The following OXCT1 variants were observed in gnomAD, a reference collection of about 807,000 sequenced individuals.
The protein encoded by OXCT1 is 3-oxoacid CoA-transferase 1, also known as succinyl-CoA:3-ketoacid coenzyme A transferase 1, mitochondrial.
A neutral mutation model predicts 69.6 loss-of-function variants in OXCT1; 27 were observed. That is an observed-to-expected ratio of 0.39 (90% CI 0.29 to 0.54). OXCT1 has a LOEUF of 0.54. Ranked by LOEUF, OXCT1 falls within the 20% of genes least tolerant of loss-of-function variation. OXCT1 has a pLI of 0.72. For missense variants in OXCT1, 437 were observed against 650.2 expected (o/e 0.67, Z 3.57); for synonymous variants, 202 against 217.8 (o/e 0.93, Z 0.64).
intron 7 of OXCT1, among the ~76,000 whole-genome samples, chr5:41,822,800 A>T (rs539347968): frequency 1.3e-5 from 2 of 152,126 alleles, no homozygotes; most frequent in African/African-American, 4.8e-5. Flanking sequence ...TGTTAGAATA[A>T]TTTTTTACAT....
chr5:41,862,179 C>G (rs779722560), intron 2 of OXCT1, among the ~76,000 whole-genome samples: 1 of 152,160 alleles, frequency 6.6e-6, no homozygotes, highest in Non-Finnish European at 1.5e-5. Context: ...CCACTGCACT[C>G]CAGCCTGGGT....
At chr5:41,860,852 T>G (rs148831478) in intron 3 of OXCT1, among the ~76,000 whole-genome samples, 1,535 of 152,202 alleles carry the variant, frequency 0.01, 10 homozygotes, top group Non-Finnish European at 0.016. Flanking sequence ...TTTTTGTGAT[T>G]AATGGTATCC....
chr5:41,861,212 C>T, intron 3 of OXCT1, 102 bp downstream of exon 3: 1 of 804,628 alleles, frequency 1.2e-6, no homozygotes, highest in Non-Finnish European at 2.2e-6. Context: ...GGACATATTG[C>T]TCATGTGAAT....
At chr5:41,801,773 C>T (rs919116000) in intron 10 of OXCT1, among the ~76,000 whole-genome samples, 7 of 152,026 alleles carry the variant, frequency 4.6e-5, no homozygotes, top group Non-Finnish European at 1.5e-5. Flanking sequence ...TGCACAGCTA[C>T]TCTCAGTAAA....
chr5:41,824,776 T>C (rs749551930), intron 7 of OXCT1, among the ~76,000 whole-genome samples: 15 of 152,234 alleles, frequency 9.9e-5, no homozygotes, highest in Non-Finnish European at 1.9e-4. Flanking sequence ...ATGAGTTTTG[T>C]AAATTCCTCA....
chr5:41,827,027 C>G (rs1382479282), intron 7 of OXCT1, among the ~76,000 whole-genome samples: 3 of 152,136 alleles, frequency 2.0e-5, no homozygotes. Flanking sequence ...CATACCGTAT[C>G]TCTTAATGCT....
intron 7 of OXCT1, among the ~76,000 whole-genome samples, chr5:41,810,674 A>G (rs1391656291): frequency 6.6e-6 from 1 of 152,102 alleles, no homozygotes. Context: ...CTTATTTTAA[A>G]GCTTAGAGAA....
intron 10 of OXCT1, among the ~76,000 whole-genome samples, chr5:41,801,891 AT>A (rs1237785352): frequency 3.3e-5 from 5 of 152,120 alleles, no homozygotes; most frequent in African/African-American, 7.2e-5. Context: ...CTATAAAAAA[AT>A]AAAAGGCATA....
chr5:41,828,682 A>G (rs1747940269), intron 7 of OXCT1, among the ~76,000 whole-genome samples: 1 of 152,206 alleles, frequency 6.6e-6, no homozygotes, highest in African/African-American at 2.4e-5. Flanking sequence ...CTCGACATCT[A>G]TACAAATTCA....
At position 41,805,616 on chromosome 5, in the gene OXCT1, C is replaced by T; in HGVS notation, c.906G>A (p.Arg302=). The T allele has an allele frequency of 1.2e-6, 2 of 1,613,046 alleles. No homozygotes were observed. The highest frequency in any genetic ancestry group is 1.7e-6 in the Non-Finnish European group (2 of 1,179,342). ...AKSAKPGDDV[R]ERIIKRAALE... is the part of the protein sequence containing the mutation. ...GAGCGGCCCTCTTGATGATTCGTTCCCTTACGTCATCTCCAGGTTTAGCAG... is the reference window on the plus strand; with the variant it reads ...GAGCGGCCCTCTTGATGATTCGTTCTCTTACGTCATCTCCAGGTTTAGCAG... Residue 302 remains arginine (R), a synonymous_variant, in exon 9 of 17, where the codon AGG becomes AGA. Transcript: ENST00000196371.
chr5:41,827,937 T>A (rs889607975), intron 7 of OXCT1, among the ~76,000 whole-genome samples: 1 of 151,996 alleles, frequency 6.6e-6, no homozygotes, highest in Non-Finnish European at 1.5e-5. Context: ...CATAGGGCCC[T>A]CCCAAACCCC....
At chr5:41,772,944 C>T (rs1298125099) in intron 13 of OXCT1, among the ~76,000 whole-genome samples, 1 of 152,164 alleles carries the variant, frequency 6.6e-6, no homozygotes, top group Non-Finnish European at 1.5e-5. Context: ...GGGAAAAGCA[C>T]ATCCTCCTTG....
chr5:41,759,439 CA>C (rs561419367), intron 14 of OXCT1, among the ~76,000 whole-genome samples: 14 of 151,734 alleles, frequency 9.2e-5, no homozygotes, highest in Admixed American at 2.0e-4. Context: ...GGCTGGACAC[CA>C]AAAAAAACTT....
chr5:41,733,408 A>G (rs1359015839), intron 16 of OXCT1, among the ~76,000 whole-genome samples: 1 of 152,024 alleles, frequency 6.6e-6, no homozygotes, highest in Non-Finnish European at 1.5e-5. Flanking sequence ...CACCATGACC[A>G]GCTAATTTTT....
intron 7 of OXCT1, among the ~76,000 whole-genome samples, chr5:41,826,564 G>A (rs1010915039): frequency 3.9e-5 from 6 of 151,980 alleles, no homozygotes; most frequent in Admixed American, 2.0e-4. Flanking sequence ...TAAGGAAGAC[G>A]AGATTCTAAA....
intron 7 of OXCT1, among the ~76,000 whole-genome samples, chr5:41,822,703 TC>T (rs1408796556): frequency 6.6e-6 from 1 of 152,136 alleles, no homozygotes; most frequent in Non-Finnish European, 1.5e-5. Context: ...TGAACTCCAA[TC>T]CACCTGCCTT....
At position 41,853,044 on chromosome 5, in the gene OXCT1, C is replaced by G. The variant is rs1242432401; in HGVS notation, c.414+375G>C. 2.6e-5 allele frequency among the ~76,000 whole-genome samples: 4 copies of G among 152,046 alleles called. No homozygotes were observed. In the East Asian group the frequency reaches 7.8e-4, roughly 29 times the overall value. On this transcript the variant is annotated intron_variant, in intron 4 of 16. Transcript: ENST00000196371. ...CGAGATCACACCGCCGCACTCCACC[C>G]TGGGTGACACAGTAAGACTCTGCCT...
At chr5:41,735,410 CAG>C (rs1001062251) in intron 16 of OXCT1, among the ~76,000 whole-genome samples, 12 of 152,052 alleles carry the variant, frequency 7.9e-5, no homozygotes, top group Admixed American at 7.9e-4. Context: ...ATGATAGAAA[CAG>C]AAAGCAAAAA....
intron 1 of OXCT1, among the ~76,000 whole-genome samples, chr5:41,867,875 T>G (rs1750071962): frequency 1.3e-5 from 2 of 152,150 alleles, no homozygotes; most frequent in Admixed American, 1.3e-4. Flanking sequence ...TATTAAATGC[T>G]CCCCACTGCC....
Sources: allele counts gnomAD v4.1 joint callset (sites outside exome capture counted in the v4.1 genomes callset), GRCh38; gene constraint gnomAD v4.1.1; transcripts MANE v1.5; gene names NCBI Gene and HGNC (gene_info 2026-07-23, HGNC 2026-07-21).